Variants in TNKS observed in about 807,000 individuals in gnomAD.
The protein encoded by TNKS is poly [ADP-ribose] polymerase tankyrase-1.
Under a neutral mutation model 135.8 loss-of-function variants are expected in TNKS, and 72 were observed. That is an observed-to-expected ratio of 0.53 (90% CI 0.44 to 0.64). The LOEUF (loss-of-function observed/expected upper bound fraction) is 0.64, where lower values mean the gene tolerates loss of function less well. TNKS is among the 30% of genes least tolerant of loss of function. TNKS has a pLI of 0.00. For synonymous variants in TNKS, 849 were observed against 649.3 expected, an observed-to-expected ratio of 1.31 and a Z score of -4.68; for missense variants, 1,769 against 1,674.0, an observed-to-expected ratio of 1.06 and a Z score of -0.99.
chr8:9,630,287 T>C (rs1365870282), intron 3 of TNKS, among the ~76,000 whole-genome samples: 1 of 152,198 alleles, frequency 6.6e-6, no homozygotes, highest in Non-Finnish European at 1.5e-5. Flanking sequence ...GGGTGCTTCA[T>C]AGACTAGCAC....
chr8:9,598,499 C>G (rs1335133825), intron 2 of TNKS, among the ~76,000 whole-genome samples: 1 of 151,440 alleles, frequency 6.6e-6, no homozygotes, highest in African/African-American at 2.4e-5. Context: ...TATTAATTGC[C>G]AGGCTGGGCA....
At chr8:9,661,547 C>T (rs1801711750) in intron 3 of TNKS, among the ~76,000 whole-genome samples, 1 of 152,122 alleles carries the variant, frequency 6.6e-6, no homozygotes, top group South Asian at 2.1e-4. Flanking sequence ...AAAGCTGAAA[C>T]TGGATCCCTT....
chr8:9,654,625 G>T (rs1801277093), intron 3 of TNKS, among the ~76,000 whole-genome samples: 1 of 152,180 alleles, frequency 6.6e-6, no homozygotes, highest in South Asian at 2.1e-4. Context: ...GTCTATGTCA[G>T]GTAAAATTCT....
At chr8:9,673,477 C>T (rs1802396716) in intron 3 of TNKS, among the ~76,000 whole-genome samples, 1 of 131,056 alleles carries the variant, frequency 7.6e-6, no homozygotes, top group Non-Finnish European at 1.6e-5. Context: ...AGGAGTCTTG[C>T]TCTGTTGCCC....
intron 3 of TNKS, among the ~76,000 whole-genome samples, chr8:9,660,096 T>C (rs1270239005): frequency 1.3e-5 from 2 of 152,152 alleles, no homozygotes; most frequent in African/African-American, 4.8e-5. Flanking sequence ...CAATAATTAA[T>C]AGCTTACCAA....
intron 3 of TNKS, among the ~76,000 whole-genome samples, chr8:9,650,568 A>T (rs531920675): frequency 8.5e-5 from 13 of 152,276 alleles, no homozygotes; most frequent in African/African-American, 3.1e-4. Flanking sequence ...CCTGATAGTA[A>T]TGTTGAGCAT....
At chr8:9,626,920 T>C (rs1800077984) in intron 3 of TNKS, among the ~76,000 whole-genome samples, 1 of 152,228 alleles carries the variant, frequency 6.6e-6, no homozygotes, top group Non-Finnish European at 1.5e-5. Context: ...CATGTCTTTT[T>C]GTATGCTAAT....
At chr8:9,733,538 A>G (rs1444884561) in intron 15 of TNKS, 94 bp downstream of exon 15, 8 of 1,024,878 alleles carry the variant, frequency 7.8e-6, no homozygotes, top group Admixed American at 2.3e-5. Context: ...TCTATTAAGA[A>G]CAATACTGCT....
intron 3 of TNKS, among the ~76,000 whole-genome samples, chr8:9,625,551 T>A (rs1800025201): frequency 6.6e-6 from 1 of 152,274 alleles, no homozygotes; most frequent in African/African-American, 2.4e-5. Flanking sequence ...GTACTGCTTT[T>A]GCTGTGATTC....
At chr8:9,746,406 C>G (rs1806237805) in intron 17 of TNKS, among the ~76,000 whole-genome samples, 1 of 152,152 alleles carries the variant, frequency 6.6e-6, no homozygotes, top group Non-Finnish European at 1.5e-5. Context: ...ATGTGGAGCT[C>G]TTGCTTGAGT....
At chr8:9,681,840 G>C (rs1275902825) in intron 5 of TNKS, among the ~76,000 whole-genome samples, 2 of 152,050 alleles carry the variant, frequency 1.3e-5, no homozygotes, top group Non-Finnish European at 2.9e-5. Context: ...TAGTGGCAAG[G>C]AATTGAGTCC....
chr8:9,774,306 T>G (rs1808105929), intron 26 of TNKS, among the ~76,000 whole-genome samples: 1 of 152,180 alleles, frequency 6.6e-6, no homozygotes, highest in African/African-American at 2.4e-5. Context: ...ATAGAATGAT[T>G]TCTAAAATGG....
intron 2 of TNKS, among the ~76,000 whole-genome samples, chr8:9,583,624 G>A (rs915595426): frequency 6.6e-6 from 1 of 151,870 alleles, no homozygotes; most frequent in East Asian, 2.0e-4. Context: ...AAGTAGCTGG[G>A]ACTGCAGGCG....
chr8:9,622,336 C>T (rs988250481), intron 3 of TNKS, among the ~76,000 whole-genome samples: 2 of 152,170 alleles, frequency 1.3e-5, no homozygotes, highest in Non-Finnish European at 1.5e-5. Flanking sequence ...AACAACTTAG[C>T]GTTACATAAA....
intron 3 of TNKS, among the ~76,000 whole-genome samples, chr8:9,677,747 A>G (rs1487896926): frequency 1.3e-5 from 2 of 152,152 alleles, no homozygotes; most frequent in Non-Finnish European, 2.9e-5. Context: ...GTAAAGTTCA[A>G]ACTTCTTAGC....
intron 3 of TNKS, among the ~76,000 whole-genome samples, chr8:9,645,537 G>C (rs967953523): frequency 2.0e-5 from 3 of 152,138 alleles, no homozygotes; most frequent in Non-Finnish European, 4.4e-5. Context: ...TGGGTGGAGA[G>C]AGTGAGGCGA....
chr8:9,563,863 C>A (rs1365769661), intron 1 of TNKS, among the ~76,000 whole-genome samples: 2 of 151,928 alleles, frequency 1.3e-5, no homozygotes, highest in African/African-American at 4.8e-5. Context: ...TGTATTTGAC[C>A]TCAGTTACTT....
At chr8:9,593,893 T>C (rs1798677639) in intron 2 of TNKS, among the ~76,000 whole-genome samples, 1 of 151,438 alleles carries the variant, frequency 6.6e-6, no homozygotes, top group Non-Finnish European at 1.5e-5. Flanking sequence ...ATTATTATTA[T>C]TATTATTTTT....
chr8:9,671,281 A>T (rs917495005), intron 3 of TNKS: 10 of 152,172 alleles, frequency 6.6e-5, no homozygotes, highest in African/African-American at 2.4e-4. Context: ...TTATTTGTCC[A>T]TACAAAAATA....
Sources: gnomAD v4.1 joint callset for allele counts (sites outside exome capture counted in the v4.1 genomes callset) on GRCh38, gnomAD v4.1.1 for gene constraint, MANE v1.5 for transcripts, NCBI Gene and HGNC (gene_info 2026-07-23, HGNC 2026-07-21) for gene names.